Variants in MYT1L observed in about 807,000 individuals in gnomAD.
MYT1L encodes myelin transcription factor 1-like protein.
In MYT1L, 12 loss-of-function variants were observed where a neutral mutation model predicts 126.7. The ratio of observed to expected loss-of-function variants is 0.09; its 90% confidence interval spans 0.06 to 0.15. The LOEUF (loss-of-function observed/expected upper bound fraction) is 0.15, where lower values mean the gene tolerates loss of function less well. MYT1L is among the 10% of genes least tolerant of loss of function. The probability of loss-of-function intolerance (pLI) is 1.00; values close to 1 mark genes in which losing one functional copy is unlikely to be tolerated. For missense variants in MYT1L, 979 were observed against 1,585.2 expected (o/e 0.62, Z 6.49); for synonymous variants, 541 against 604.2 (o/e 0.90, Z 1.53).
chr2:2,209,828 G>A (rs2093441992), intron 2 of MYT1L, among the ~76,000 whole-genome samples: 2 of 152,076 alleles, frequency 1.3e-5, no homozygotes, highest in Admixed American at 6.6e-5. Context: ...GAGATTGCTG[G>A]ATCATATGCT....
intron 8 of MYT1L, among the ~76,000 whole-genome samples, chr2:1,948,587 C>T (rs899207356): frequency 1.3e-5 from 2 of 152,186 alleles, no homozygotes; most frequent in African/African-American, 4.8e-5. Flanking sequence ...TATCCTCCTG[C>T]CCTCGTATTC....
chr2:2,154,518 G>A (rs529275245), intron 3 of MYT1L, among the ~76,000 whole-genome samples: 32 of 152,302 alleles, frequency 2.1e-4, no homozygotes, highest in African/African-American at 6.7e-4. Context: ...ATGAGATCAC[G>A]TTCTTTGCAG....
chr2:1,837,327 AG>A (rs1165433436), intron 21 of MYT1L, among the ~76,000 whole-genome samples: 3 of 152,222 alleles, frequency 2.0e-5, no homozygotes, highest in African/African-American at 7.2e-5. Flanking sequence ...CTCACGTGAG[AG>A]GACGAAATTG....
intron 2 of MYT1L, among the ~76,000 whole-genome samples, chr2:2,177,053 C>T (rs1431042495): frequency 2.0e-5 from 3 of 152,152 alleles, no homozygotes; most frequent in East Asian, 1.9e-4. Context: ...CAGAGAGGGC[C>T]GGTAGCACTC....
intron 2 of MYT1L, among the ~76,000 whole-genome samples, chr2:2,282,383 T>G (rs567551757): frequency 6.6e-6 from 1 of 152,344 alleles, no homozygotes; most frequent in Admixed American, 6.5e-5. Context: ...TGAGATTAGT[T>G]TTTTCTTAAG....
At chr2:2,231,825 G>C (rs1021734917) in intron 2 of MYT1L, among the ~76,000 whole-genome samples, 1 of 152,034 alleles carries the variant, frequency 6.6e-6, no homozygotes, top group Non-Finnish European at 1.5e-5. Flanking sequence ...GGATTTCCAC[G>C]ATAACTCCTC....
rs772778800 is a variant in MYT1L at position 1,922,353 on chromosome 2, T to A, written c.1416A>T (p.Gln472His). 1.9e-6 allele frequency: 3 copies of A among 1,614,002 alleles called. No individual in the cohort carries two copies. Among genetic ancestry groups the A allele is most frequent in the African/African-American group, 2.7e-5 (2 of 75,060 alleles). ...TAGGCTTTCTGTCCTCCCCGGGAAGTTGTCTCGGAGACTGGTCCTCATATG... is the reference window on the plus strand; with the variant it reads ...TAGGCTTTCTGTCCTCCCCGGGAAGATGTCTCGGAGACTGGTCCTCATATG... ...MRSYEDQSPRQLPGEDRKPKS... is the reference protein window; with the variant it reads ...MRSYEDQSPRHLPGEDRKPKS... The change falls in exon 10 of 25, where the codon CAA (glutamine) becomes CAT (histidine). Residue 472 changes from glutamine to histidine, a missense_variant. By Grantham distance (24) the Gln-to-His change is conservative (BLOSUM62 0). Transcript: ENST00000647738. This position sits in a 1 kb window ranked among gnomAD's most constrained non-coding sequence, Gnocchi z 7.4.
chr2:2,239,221 G>A (rs1220808329), intron 2 of MYT1L, among the ~76,000 whole-genome samples: 1 of 152,194 alleles, frequency 6.6e-6, no homozygotes, highest in Admixed American at 6.5e-5. Flanking sequence ...AACATAGAAT[G>A]CCCACTGGAA....
chr2:1,901,167 C>T (rs2050291105), intron 14 of MYT1L, among the ~76,000 whole-genome samples: 1 of 152,188 alleles, frequency 6.6e-6, no homozygotes. Context: ...GACGGCTCTG[C>T]TGGTCATGAC....
intron 21 of MYT1L, among the ~76,000 whole-genome samples, chr2:1,821,434 G>A (rs1233292010): frequency 6.6e-6 from 1 of 151,288 alleles, no homozygotes; most frequent in African/African-American, 2.4e-5. Flanking sequence ...ATAGATATTC[G>A]TGTTCTCTGA....
intron 2 of MYT1L, among the ~76,000 whole-genome samples, chr2:2,267,103 A>T (rs573740756): frequency 5.3e-5 from 8 of 152,308 alleles, no homozygotes; most frequent in African/African-American, 1.7e-4. Flanking sequence ...AGGCGAATAG[A>T]AAGTGTGCAG....
At chr2:2,077,201 C>G (rs921163714) in intron 3 of MYT1L, among the ~76,000 whole-genome samples, 2 of 152,052 alleles carry the variant, frequency 1.3e-5, no homozygotes, top group African/African-American at 2.4e-5. Context: ...TTACAGATCT[C>G]TGGGACACCA....
At position 1,792,457 on chromosome 2, in the gene MYT1L, G is replaced by A; in HGVS notation, c.3284C>T (p.Thr1095Met). 6.2e-7 allele frequency: 1 copy of A among 1,613,266 alleles called. No individual in the cohort carries two copies. The highest frequency in any genetic ancestry group is 8.5e-7 in the Non-Finnish European group (1 of 1,179,436). The part of the protein sequence containing the change: ...DMIKLRTQIT[T>M]MESNLKTIEE... Reference sequence around the variant, plus strand: ...GATGGTCTTCAGGTTGCTCTCCATCGTGGTAATCTGAAACGCACAAGTGTG... The same window carrying A: ...GATGGTCTTCAGGTTGCTCTCCATCATGGTAATCTGAAACGCACAAGTGTG... Residue 1095 changes from threonine (T) to methionine (M), a missense_variant, in exon 24 of 25, where the codon ACG becomes ATG. Around this residue, in one of 12 missense-constraint regions of MYT1L, gnomAD observed 179 missense variants for 398.6 expected, o/e 0.45. Coordinates refer to ENST00000647738, the MANE Select transcript of MYT1L (RefSeq NM_001303052.2).
chr2:2,027,953 G>A (rs1284144497), intron 4 of MYT1L, among the ~76,000 whole-genome samples: 2 of 152,234 alleles, frequency 1.3e-5, no homozygotes, highest in African/African-American at 4.8e-5. Context: ...GAATGTCACT[G>A]TGTTATTATT....
chr2:1,968,282 C>T (rs2059535697), intron 8 of MYT1L, among the ~76,000 whole-genome samples: 1 of 113,488 alleles, frequency 8.8e-6, no homozygotes, highest in Non-Finnish European at 1.7e-5. Context: ...CTTCCTGGCT[C>T]CCCAGAGCGT....
chr2:2,100,950 G>A (rs2077997008), intron 3 of MYT1L, among the ~76,000 whole-genome samples: 1 of 152,124 alleles, frequency 6.6e-6, no homozygotes, highest in African/African-American at 2.4e-5. Context: ...ATAAACAGAT[G>A]ATAATAAAAC....
intron 18 of MYT1L, among the ~76,000 whole-genome samples, chr2:1,869,039 G>A (rs559539609): frequency 4.6e-5 from 7 of 152,338 alleles, no homozygotes; most frequent in African/African-American, 1.7e-4. Flanking sequence ...GCAGGCCATG[G>A]GTGCTAGAGC....
chr2:2,321,776 C>T (rs1002077268), intron 1 of MYT1L, among the ~76,000 whole-genome samples: 3 of 152,126 alleles, frequency 2.0e-5, no homozygotes, highest in Non-Finnish European at 2.9e-5. Flanking sequence ...TGACATTCCA[C>T]ACTTGAAAAT....
At chr2:2,115,600 T>C (rs1278797895) in intron 3 of MYT1L, among the ~76,000 whole-genome samples, 3 of 152,262 alleles carry the variant, frequency 2.0e-5, no homozygotes, top group African/African-American at 7.2e-5. Flanking sequence ...CTTTGCCAAA[T>C]GTTTGTGGTG....
Sources: allele counts gnomAD v4.1 joint callset (sites outside exome capture counted in the v4.1 genomes callset), GRCh38; gene constraint gnomAD v4.1.1; regional missense constraint gnomAD v4.1.1; non-coding constraint Gnocchi (gnomAD v3.1); transcripts MANE v1.5; gene names NCBI Gene and HGNC (gene_info 2026-07-23, HGNC 2026-07-21).